ZNF740: variants seen among roughly 807,000 people sequenced by gnomAD.
ZNF740 encodes oriLyt TD-element-binding protein 7.
In ZNF740, 14 loss-of-function variants were observed where a neutral mutation model predicts 24.8. The observed-to-expected ratio is 0.56, with a 90% CI of 0.37 to 0.88. The LOEUF (loss-of-function observed/expected upper bound fraction) is 0.88. ZNF740 is among the 40% of genes least tolerant of loss of function. ZNF740 has a pLI of 0.00. For missense variants in ZNF740, 201 were observed against 247.9 expected, an observed-to-expected ratio of 0.81 and a Z score of 1.27; for synonymous variants, 69 against 84.0, an observed-to-expected ratio of 0.82 and a Z score of 0.98.
rs1207387219 is a variant in ZNF740 at position 53,189,237 on chromosome 12, T to C, written c.*1647T>C. The C allele has an allele frequency of 1.3e-5, 2 of 152,070 alleles. No individual in the cohort carries two copies. Among genetic ancestry groups the C allele is most frequent in the African/African-American group, 2.4e-5 (1 of 41,404 alleles). 9.4% of individuals were successfully genotyped at this position (152,070 alleles called of 1,614,324 possible). On this transcript the variant is annotated 3_prime_UTR_variant, in exon 7 of 7. Coordinates refer to ENST00000416904, the MANE Select transcript of ZNF740 (RefSeq NM_001004304.4). ...TTCTTTCTGCTAAAGAAAGAATCCT[T>C]ATGGGAAGTTTTGGGGTTTGGTTGA...
In ZNF740 at chr12:53,181,701, C is replaced by T; in HGVS notation, c.-283C>T. 4.3e-6 allele frequency: 2 copies of T among 468,988 alleles called. No individual in the cohort carries two copies. Among genetic ancestry groups the T allele is most frequent in the South Asian group, 3.3e-5 (1 of 29,892 alleles). The allele number at this position is 468,988 out of a possible 1,614,324, so 29.1% of individuals were successfully genotyped here. ...GGTTTCTGAAACAGATCGTGAGCTT[C>T]ATCAAGAGAATTCAACTGGAAAACC... On this transcript the variant is annotated 5_prime_UTR_variant, in exon 2 of 7. Transcript: ENST00000416904.
chr12:53,194,290 T>C lies in ZNF740; in HGVS notation c.*6700T>C. On this transcript the variant is annotated 3_prime_UTR_variant, in exon 7 of 7. Transcript: ENST00000416904. ...CCCTCACACTGGGATTCGTAAGAAA[T>C]GTGGACCCCAGGAGGGAGTGAAGAG... The C allele has an allele frequency of 6.2e-7, 1 of 1,613,892 alleles. No homozygotes were observed. Among genetic ancestry groups the C allele is most frequent in the Non-Finnish European group, 8.5e-7 (1 of 1,179,942 alleles).
chr12:53,180,925 G>T, intron 1 of ZNF740, 88 bp downstream of exon 1: 1 of 1,086,698 alleles, frequency 9.2e-7, no homozygotes, highest in Non-Finnish European at 1.1e-6. Flanking sequence ...CGCGCGGGAA[G>T]GGGGAGGGGA....
At position 53,192,893 on chromosome 12, in the gene ZNF740, A is replaced by G. The variant is rs1942013196; in HGVS notation, c.*5303A>G. 3.1e-6 allele frequency: 5 copies of G among 1,614,074 alleles called. No homozygotes were observed. The highest frequency in any genetic ancestry group is 4.2e-6 in the Non-Finnish European group (5 of 1,179,972). ...TTGGCATGACAGTGACATACTCCAC[A>G]TTGGCAGCGACCAAAGCCTGGGGTA... On this transcript the variant is annotated 3_prime_UTR_variant, in exon 7 of 7. Transcript: ENST00000416904.
At chr12:53,180,908 G>T in intron 1 of ZNF740, 71 bp downstream of exon 1, 1 of 1,131,266 alleles carries the variant, frequency 8.8e-7, no homozygotes, top group Non-Finnish European at 1.1e-6. Flanking sequence ...CGCAAGCCGT[G>T]GGGTGCCGCG....
intron 2 of ZNF740, 172 bp downstream of exon 2, chr12:53,182,164 C>A: frequency 1.1e-6 from 1 of 888,360 alleles, no homozygotes; most frequent in Non-Finnish European, 1.7e-6. Flanking sequence ...CCCCTGCCTT[C>A]AGGGAGCTTC....
At chr12:53,186,928 A>T (rs1224416329) in intron 6 of ZNF740, 1 of 181,276 alleles carries the variant, frequency 5.5e-6, no homozygotes, top group Non-Finnish European at 1.2e-5. Context: ...TGCACTTTGG[A>T]GGAAGAGATA....
intron 1 of ZNF740, chr12:53,181,078 C>T: frequency 1.2e-6 from 1 of 852,890 alleles, no homozygotes; most frequent in Non-Finnish European, 1.4e-6. Context: ...CGGGCGCGAG[C>T]ACGCATCTCG....
At chr12:53,184,282 G>A (rs11170462) in intron 2 of ZNF740, among the ~76,000 whole-genome samples, 8,790 of 151,738 alleles carry the variant, frequency 0.058, 335 homozygotes, top group East Asian at 0.16. Flanking sequence ...TCCGCCTCCC[G>A]GGTTCAAGCA....
At position 53,180,757 on chromosome 12, in the gene ZNF740, G is replaced by A; in HGVS notation, c.-388G>A. On this transcript the variant is annotated 5_prime_UTR_variant, in exon 1 of 7. Transcript: ENST00000416904. ...CTCGGTCCCGGTGGGGGCAGCCGCG[G>A]CGGTGGGGTTGGCAGGGTGTGCTGG... 1.6e-6 allele frequency: 2 copies of A among 1,268,194 alleles called. No individual in the cohort carries two copies. The highest frequency in any genetic ancestry group is 2.0e-6 in the Non-Finnish European group (2 of 979,184). 78.6% of individuals were successfully genotyped at this position (1,268,194 alleles called of 1,614,324 possible).
rs1380066213 is a variant in ZNF740 at position 53,193,246 on chromosome 12, C to T, written c.*5656C>T. On this transcript the variant is annotated 3_prime_UTR_variant, in exon 7 of 7. Transcript: ENST00000416904. The stretch of plus-strand genomic sequence containing the variant: ...TGCAGCGTCCACATTGACAGTGACC[C>T]TTTCCACTGCACAGGGGCCCTGTGC... The T allele has an allele frequency of 1.2e-6, 2 of 1,614,196 alleles. No homozygotes were observed. Among genetic ancestry groups the T allele is most frequent in the Non-Finnish European group, 1.7e-6 (2 of 1,180,012 alleles).
At chr12:53,185,915 C>T (rs1941812740) in intron 4 of ZNF740, 39 bp from the exon 5 acceptor site, 1 of 1,607,710 alleles carries the variant, frequency 6.2e-7, no homozygotes, top group African/African-American at 1.3e-5. Flanking sequence ...AGGAAGAGGG[C>T]AGTGGTGGCC....
intron 3 of ZNF740, 76 bp downstream of exon 3, chr12:53,185,116 A>C (rs1941798203): frequency 1.3e-6 from 2 of 1,592,446 alleles, no homozygotes; most frequent in Non-Finnish European, 8.6e-7. Context: ...CCAAGCTCTG[A>C]TTCCTTGATG....
In ZNF740 at chr12:53,191,564, T is replaced by C; in HGVS notation, c.*3974T>C. 6.2e-7 allele frequency: 1 copy of C among 1,608,380 alleles called. No homozygotes were observed. Among genetic ancestry groups the C allele is most frequent in the Non-Finnish European group, 8.5e-7 (1 of 1,175,026 alleles). On this transcript the variant is annotated 3_prime_UTR_variant, in exon 7 of 7. Transcript: ENST00000416904. ...AAGTGTCCCTCCCTCCTTCAGAGAG[T>C]GGGACTGTCTGCCTCTTGAAAGCGA...
chr12:53,184,498 G>A (rs777491742), intron 2 of ZNF740, among the ~76,000 whole-genome samples: 1 of 152,180 alleles, frequency 6.6e-6, no homozygotes. Flanking sequence ...GCTGAGGGCT[G>A]TTGAGGGAGG....
rs558057740 is a variant in ZNF740 at position 53,183,967 on chromosome 12, T to G, written c.10-924T>G. ...TAAGCCAGGGAGGTCAAGAGTGCAG[T>G]GAGCCGAGATCGTGCCACTGCACTC... On this transcript the variant is annotated intron_variant, in intron 2 of 6. Coordinates refer to ENST00000416904, the MANE Select transcript of ZNF740 (RefSeq NM_001004304.4). Among the ~76,000 whole-genome samples, 13 of 152,114 alleles carry G rather than the reference T, an allele frequency of 8.5e-5. 1 individual carries two copies. In the South Asian group the frequency reaches 2.5e-3, roughly 29 times the overall value.
intron 2 of ZNF740, among the ~76,000 whole-genome samples, chr12:53,184,558 G>A (rs1307318925): frequency 6.6e-6 from 1 of 152,152 alleles, no homozygotes. Flanking sequence ...TTAGCAAGAT[G>A]GAACCTCATA....
Position 53,187,665 on chromosome 12 carries a change from C to A in ZNF740, c.*75C>A. On this transcript the variant is annotated 3_prime_UTR_variant, in exon 7 of 7. Transcript: ENST00000416904. ...GCACACCCCCTCTGGTCTGATGGTC[C>A]CACCACCGCCCCATGTGAACCTGTC... 8.4e-7 allele frequency: 1 copy of A among 1,184,524 alleles called. No individual in the cohort carries two copies. Among genetic ancestry groups the A allele is most frequent in the Non-Finnish European group, 1.2e-6 (1 of 805,374 alleles). 73.4% of individuals were successfully genotyped at this position (1,184,524 alleles called of 1,614,324 possible). A position where few individuals can be genotyped will look rare whatever the true frequency, so the allele number is the denominator to read the frequency against.
At position 53,193,689 on chromosome 12, in the gene ZNF740, G is replaced by C. The variant is rs777265400; in HGVS notation, c.*6099G>C. On this transcript the variant is annotated 3_prime_UTR_variant, in exon 7 of 7. Transcript: ENST00000416904. Reference sequence around the variant, plus strand: ...GGTTGTTGGGAGCCAGGTGGTTGAAGGGAAGAGGAGGCCCTCACCTGCATA... The same window carrying C: ...GGTTGTTGGGAGCCAGGTGGTTGAACGGAAGAGGAGGCCCTCACCTGCATA... The C allele has an allele frequency of 6.3e-7, 1 of 1,586,760 alleles. No individual in the cohort carries two copies. Among genetic ancestry groups the C allele is most frequent in the Admixed American group, 1.8e-5 (1 of 56,892 alleles).
Sources: allele counts gnomAD v4.1 joint callset (sites outside exome capture counted in the v4.1 genomes callset), GRCh38; gene constraint gnomAD v4.1.1; transcripts MANE v1.5; gene names NCBI Gene and HGNC (gene_info 2026-07-23, HGNC 2026-07-21).